The following LMO1 variants were observed in gnomAD, a reference collection of about 807,000 sequenced individuals.
LMO1 encodes rhombotin-1.
LMO1 carries 10 observed loss-of-function variants against 18.0 expected under a neutral mutation model. That is an observed-to-expected ratio of 0.55 (90% CI 0.34 to 0.94). The LOEUF (loss-of-function observed/expected upper bound fraction) is 0.94, where lower values mean the gene tolerates loss of function less well. Ranked by LOEUF, LMO1 falls within the 40% of genes least tolerant of loss-of-function variation. The pLI is 0.02. For synonymous variants in LMO1, 77 were observed against 77.9 expected (o/e 0.99, Z 0.06); for missense variants, 183 against 205.7 (o/e 0.89, Z 0.68).
rs111786770 is a variant in LMO1, at chr11:8,226,835, G to A, written c.365+140C>T. On this transcript the variant is annotated intron_variant, in intron 3 of 3. Transcript: ENST00000335790. ...CATAAAACACATAAAGCACATGCAC[G>A]CTCATAACCTGCACGCACCACCACA... 2.3e-4 allele frequency: 315 copies of A among 1,392,936 alleles called. 1 individual carries two copies. The African/African-American group carries it at 3.8e-3, about 17-fold the overall frequency. The allele number at this position is 1,392,936 out of a possible 1,614,324, so 86.3% of individuals were successfully genotyped here. A position where few individuals can be genotyped will look rare whatever the true frequency, so the allele number is the denominator to read the frequency against.
intron 1 of LMO1, among the ~76,000 whole-genome samples, chr11:8,233,240 C>G (rs1010348349): frequency 6.6e-6 from 1 of 152,080 alleles, no homozygotes; most frequent in East Asian, 1.9e-4. Flanking sequence ...GAGAAGGCCC[C>G]AGAGCATCTA....
At position 8,251,908 on chromosome 11, in the gene LMO1, G is replaced by C. The variant is rs1037240659; in HGVS notation, c.25+11430C>G. 1.1e-4 allele frequency among the ~76,000 whole-genome samples: 6 copies of C among 55,078 alleles called. No individual in the cohort carries two copies. In the Admixed American group the frequency reaches 1.1e-3, roughly 10 times the overall value. The allele number at this position is 55,078 out of a possible 152,430, so 36.1% of individuals were successfully genotyped here. A position where few individuals can be genotyped will look rare whatever the true frequency, so the allele number is the denominator to read the frequency against. On this transcript the variant is annotated intron_variant, in intron 1 of 3. Coordinates refer to ENST00000335790, the MANE Select transcript of LMO1 (RefSeq NM_002315.3). ...GTATAGGTGTGTATGGGAGTGTGTG[G>C]TGGGTGTGTGGTGGGTGTGTAATGT...
At chr11:8,248,193 A>G (rs1846927882) in intron 1 of LMO1, among the ~76,000 whole-genome samples, 1 of 152,262 alleles carries the variant, frequency 6.6e-6, no homozygotes, top group South Asian at 2.1e-4. Flanking sequence ...GCAAGCGGTC[A>G]GGCCCTCATG....
intron 1 of LMO1, among the ~76,000 whole-genome samples, chr11:8,241,797 A>T (rs534617539): frequency 6.6e-6 from 1 of 152,140 alleles, no homozygotes; most frequent in South Asian, 2.1e-4. Context: ...AAAAAAAAAA[A>T]AAACAAAAAA....
intron 2 of LMO1, 129 bp downstream of exon 2, chr11:8,230,162 G>A: frequency 1.2e-6 from 1 of 810,348 alleles, no homozygotes. Flanking sequence ...GGCAGGGGCA[G>A]GACAGTCAAG....
chr11:8,263,334 C>T lies in LMO1; in HGVS notation c.25+4G>A. 1.9e-6 allele frequency: 3 copies of T among 1,601,110 alleles called. No homozygotes were observed. The highest frequency in any genetic ancestry group is 2.5e-6 in the Non-Finnish European group (3 of 1,177,848). On this transcript the variant is annotated splice_donor_region_variant and intron_variant, in intron 1 of 3. Coordinates refer to ENST00000335790, the MANE Select transcript of LMO1 (RefSeq NM_002315.3). The stretch of plus-strand genomic sequence containing the variant: ...GGGCGTCGAGACCCCGGCCCGCCAC[C>T]TACCGTCCTCCTTGTCCAGCACCAT...
chr11:8,255,430 A>G (rs1481412010), intron 1 of LMO1, among the ~76,000 whole-genome samples: 1 of 152,238 alleles, frequency 6.6e-6, no homozygotes, highest in Non-Finnish European at 1.5e-5. Flanking sequence ...CTTGAGCCCA[A>G]GAGGTCAAGG....
intron 1 of LMO1, 98 bp from the exon 2 acceptor site, chr11:8,230,602 G>T: frequency 7.8e-7 from 1 of 1,277,154 alleles, no homozygotes; most frequent in African/African-American, 1.5e-5. Flanking sequence ...GCTTCTCTCT[G>T]CTGCCCCCTC....
chr11:8,239,877 C>T (rs1387029188), intron 1 of LMO1, among the ~76,000 whole-genome samples: 3 of 152,234 alleles, frequency 2.0e-5, no homozygotes, highest in Non-Finnish European at 4.4e-5. Flanking sequence ...CATGTTCAAC[C>T]AGATGACAGT....
chr11:8,247,007 A>G (rs1359831995), intron 1 of LMO1, among the ~76,000 whole-genome samples: 2 of 152,154 alleles, frequency 1.3e-5, no homozygotes, highest in Non-Finnish European at 2.9e-5. Flanking sequence ...CCTGCTCCCC[A>G]GGAAACTCAA....
At chr11:8,231,154 C>T (rs1298836496) in intron 1 of LMO1, among the ~76,000 whole-genome samples, 4 of 152,198 alleles carry the variant, frequency 2.6e-5, no homozygotes, top group Non-Finnish European at 5.9e-5. Context: ...TGTCACACCT[C>T]ACCTGCCCTG....
At chr11:8,237,912 C>A (rs78138149) in intron 1 of LMO1, among the ~76,000 whole-genome samples, 89 of 152,306 alleles carry the variant, frequency 5.8e-4, no homozygotes, top group African/African-American at 2.0e-3. Context: ...TACTAACCTG[C>A]TAAATGAGGA....
upstream of LMO1, chr11:8,268,280 G>C (rs956620517): frequency 1.8e-6 from 1 of 551,864 alleles, no homozygotes. Context: ...CCGCGCTTCC[G>C]GGAAGCCACC....
upstream of LMO1, chr11:8,268,646 G>T (rs1365595797): frequency 2.7e-5 from 9 of 332,364 alleles, no homozygotes; most frequent in East Asian, 1.8e-4. Context: ...AGGAGGGACT[G>T]GGGGGAAGGC....
intron 1 of LMO1, among the ~76,000 whole-genome samples, chr11:8,244,107 A>C (rs906089032): frequency 5.3e-5 from 8 of 152,322 alleles, no homozygotes; most frequent in African/African-American, 1.9e-4. Flanking sequence ...AACAGAATAC[A>C]GCCACCGTGG....
rs1460825527 is a variant in LMO1, at chr11:8,263,819, T to C, written c.-457A>G. On this transcript the variant is annotated 5_prime_UTR_variant, in exon 1 of 4. In the 5' UTR this introduces an upstream ATG that the reference lacks. Coordinates refer to ENST00000335790, the MANE Select transcript of LMO1 (RefSeq NM_002315.3). ...TAATCTGAATCTCAATCTAAAATTA[T>C]ATTCAAAGAGATGGGGGAATCTCGT... The C allele has an allele frequency of 1.9e-6, 2 of 1,060,508 alleles. No individual in the cohort carries two copies. The highest frequency in any genetic ancestry group is 5.1e-5 in the East Asian group (1 of 19,436). The allele number at this position is 1,060,508 out of a possible 1,614,324, so 65.7% of individuals were successfully genotyped here.
At chr11:8,228,640 C>T (rs1952593554) in intron 2 of LMO1, among the ~76,000 whole-genome samples, 2 of 138,634 alleles carry the variant, frequency 1.4e-5, no homozygotes, top group Admixed American at 7.2e-5. Context: ...TCACTCCTTG[C>T]CTCTGCCAGA....
At chr11:8,252,186 C>A (rs746569446) in intron 1 of LMO1, among the ~76,000 whole-genome samples, 58 of 152,260 alleles carry the variant, frequency 3.8e-4, no homozygotes, top group Admixed American at 6.5e-5. Flanking sequence ...CTGGGGTATC[C>A]CAGCCAAGTG....
chr11:8,236,394 A>G (rs948134593), intron 1 of LMO1, among the ~76,000 whole-genome samples: 7 of 150,828 alleles, frequency 4.6e-5, no homozygotes, highest in African/African-American at 7.3e-5. Flanking sequence ...TTTCAGAGAC[A>G]AGGTCTCAAC....
Sources: gnomAD v4.1 joint callset for allele counts (sites outside exome capture counted in the v4.1 genomes callset) on GRCh38, gnomAD v4.1.1 for gene constraint, MANE v1.5 for transcripts, NCBI Gene and HGNC (gene_info 2026-07-23, HGNC 2026-07-21) for gene names.